The following MCUB variants were observed in gnomAD, a reference collection of about 807,000 sequenced individuals.
The protein encoded by MCUB is mitochondrial calcium uniporter dominant negative subunit beta, also known as calcium uniporter regulatory subunit MCUb, mitochondrial.
In MCUB, 46 loss-of-function variants were observed where a neutral mutation model predicts 41.4. The observed-to-expected ratio is 1.11, with a 90% CI of 0.88 to 1.42. MCUB has a LOEUF of 1.42. MCUB is among the 40% of genes most tolerant of loss of function. The pLI, the probability that MCUB is intolerant of heterozygous loss-of-function variation, is 0.00. For synonymous variants in MCUB, 148 were observed against 148.2 expected (o/e 1.00, Z 0.01); for missense variants, 403 against 404.9 (o/e 1.00, Z 0.04).
intron 1 of MCUB, among the ~76,000 whole-genome samples, chr4:109,617,446 A>G (rs1471258839): frequency 6.6e-6 from 1 of 152,210 alleles, no homozygotes; most frequent in Non-Finnish European, 1.5e-5. Flanking sequence ...ATGGCTGGGT[A>G]ACTGATGCAT....
Position 109,684,631 on chromosome 4 carries a change from T to TATA in MCUB, c.802_804dup (p.Ile268dup). On this transcript the variant is annotated inframe_insertion, in exon 6 of 8. Coordinates refer to ENST00000394650, the MANE Select transcript of MCUB (RefSeq NM_017918.5). The stretch of plus-strand genomic sequence containing the variant: ...ATTCTATGGTCTTTTTTGCATACTT[T>TATA]ATAGTCACTCGACAGGTGAGTAGTT... 6.7e-7 allele frequency: 1 copy of TATA among 1,497,210 alleles called. No individual in the cohort carries two copies. Among genetic ancestry groups the TATA allele is most frequent in the East Asian group, 2.3e-5 (1 of 44,262 alleles). The allele number at this position is 1,497,210 out of a possible 1,614,324, so 92.7% of individuals were successfully genotyped here.
chr4:109,572,442 T>C (rs1253789631), intron 1 of MCUB, among the ~76,000 whole-genome samples: 1 of 152,248 alleles, frequency 6.6e-6, no homozygotes, highest in Non-Finnish European at 1.5e-5. Flanking sequence ...GTATTATGCA[T>C]ATCTGGTACA....
At chr4:109,595,843 G>T (rs1224779686) in intron 1 of MCUB, among the ~76,000 whole-genome samples, 2 of 152,150 alleles carry the variant, frequency 1.3e-5, no homozygotes, top group Non-Finnish European at 2.9e-5. Context: ...AGGGGTGGGG[G>T]TAATATCAGA....
intron 1 of MCUB, among the ~76,000 whole-genome samples, chr4:109,565,598 C>G (rs1427393549): frequency 6.6e-6 from 1 of 151,952 alleles, no homozygotes; most frequent in African/African-American, 2.4e-5. Context: ...AAAGTAAATG[C>G]GATAAAAAAA....
At chr4:109,625,309 C>T (rs1483303237) in intron 1 of MCUB, among the ~76,000 whole-genome samples, 1 of 152,206 alleles carries the variant, frequency 6.6e-6, no homozygotes, top group Non-Finnish European at 1.5e-5. Flanking sequence ...GCATCCCCAT[C>T]ATCCAGCAAT....
At chr4:109,582,783 A>G (rs891094916) in intron 1 of MCUB, among the ~76,000 whole-genome samples, 1 of 152,214 alleles carries the variant, frequency 6.6e-6, no homozygotes, top group East Asian at 1.9e-4. Flanking sequence ...AGCTTTCTAC[A>G]TATAGCTAGC....
At chr4:109,640,996 C>T (rs1042582941) in intron 1 of MCUB, among the ~76,000 whole-genome samples, 1 of 152,142 alleles carries the variant, frequency 6.6e-6, no homozygotes, top group Admixed American at 6.5e-5. Context: ...ACTTAGGGAC[C>T]ATTGTAGTCT....
intron 1 of MCUB, among the ~76,000 whole-genome samples, chr4:109,658,516 C>T (rs747818160): frequency 3.9e-5 from 6 of 151,988 alleles, no homozygotes; most frequent in Admixed American, 1.3e-4. Flanking sequence ...AGGCTGGTCG[C>T]GAACTCCTGA....
intron 1 of MCUB, among the ~76,000 whole-genome samples, chr4:109,624,964 C>G (rs539735944): frequency 6.6e-6 from 1 of 151,860 alleles, no homozygotes. Flanking sequence ...ACATGGTGAA[C>G]CCCCGCCTCT....
chr4:109,636,962 A>G (rs146736537), intron 1 of MCUB, among the ~76,000 whole-genome samples: 55 of 152,354 alleles, frequency 3.6e-4, no homozygotes, highest in Admixed American at 1.3e-3. Context: ...TTCTGAGAGT[A>G]ATTTTAGTGA....
chr4:109,626,281 G>T (rs900973471), intron 1 of MCUB, among the ~76,000 whole-genome samples: 1 of 152,088 alleles, frequency 6.6e-6, no homozygotes, highest in African/African-American at 2.4e-5. Flanking sequence ...AAGAAAAAAA[G>T]TTCTTATCAC....
chr4:109,583,418 C>T lies in MCUB; in HGVS notation c.99+22982C>T, dbSNP rs150568044. 5.4e-3 allele frequency among the ~76,000 whole-genome samples: 820 copies of T among 152,182 alleles called. 5 individuals are homozygous for T. Among genetic ancestry groups the T allele is most frequent in the African/African-American group, 0.018 (763 of 41,516 alleles). On this transcript the variant is annotated intron_variant, in intron 1 of 7. Coordinates refer to ENST00000394650, the MANE Select transcript of MCUB (RefSeq NM_017918.5). ...ATTTTTGCACATTCATTTTTGTATC[C>T]TGAGAGTTTGCTGAAGTTGCTTATC...
chr4:109,686,699 C>T (rs771158231), intron 7 of MCUB, among the ~76,000 whole-genome samples: 5 of 152,098 alleles, frequency 3.3e-5, no homozygotes, highest in East Asian at 1.9e-4. Context: ...CATAGTGAGA[C>T]CTCATCTCTA....
rs143387797 is a variant in MCUB, at chr4:109,574,034, C to T, written c.99+13598C>T. 2.2e-3 allele frequency among the ~76,000 whole-genome samples: 330 copies of T among 151,738 alleles called. 2 individuals carry two copies. Among genetic ancestry groups the T allele is most frequent in the African/African-American group, 7.0e-3 (290 of 41,388 alleles). ...ATTACAGGCGCGCCACCACCATGCC[C>T]GGCTAATTTTTGCGTTTTTAGTACA... On this transcript the variant is annotated intron_variant, in intron 1 of 7. Transcript: ENST00000394650.
chr4:109,576,841 ATTCTTTCTT>A (rs1321843145), intron 1 of MCUB, among the ~76,000 whole-genome samples: 2 of 152,060 alleles, frequency 1.3e-5, no homozygotes, highest in African/African-American at 2.4e-5. Context: ...ATACTCAGAA[ATTCTTTCTT>A]TTCTTTCTTG....
chr4:109,643,899 C>T (rs1044442406), intron 1 of MCUB, among the ~76,000 whole-genome samples: 2 of 152,146 alleles, frequency 1.3e-5, no homozygotes, highest in Admixed American at 1.3e-4. Context: ...AGCTGTAAAA[C>T]ATGTTGGAAA....
chr4:109,614,910 C>T (rs1056268324), intron 1 of MCUB, among the ~76,000 whole-genome samples: 2 of 152,118 alleles, frequency 1.3e-5, no homozygotes, highest in Non-Finnish European at 2.9e-5. Context: ...CCAACTGATA[C>T]ACAGCACAGA....
chr4:109,656,354 C>CTTTTTTTTTT lies in MCUB; in HGVS notation c.100-2628_100-2619dup, dbSNP rs752851425. On this transcript the variant is annotated intron_variant, in intron 1 of 7. Transcript: ENST00000394650. ...GAGGGGCTCTAACTTTTACTCTCTA[C>CTTTTTTTTTT]TTTTTTTTTTTTTTTTTTTTTTTTT... Among the ~76,000 whole-genome samples, 13 of 62,116 alleles carry CTTTTTTTTTT rather than the reference C, an allele frequency of 2.1e-4. 3 individuals are homozygous for CTTTTTTTTTT. The highest frequency in any genetic ancestry group is 1.9e-4 in the Non-Finnish European group (6 of 32,130). The allele number at this position is 62,116 out of a possible 152,430, so 40.8% of individuals were successfully genotyped here.
At chr4:109,570,658 G>A (rs1448671247) in intron 1 of MCUB, among the ~76,000 whole-genome samples, 1 of 152,224 alleles carries the variant, frequency 6.6e-6, no homozygotes, top group African/African-American at 2.4e-5. Context: ...CTTCTGGTCT[G>A]TAGACTCAAT....
Sources: allele counts gnomAD v4.1 joint callset (sites outside exome capture counted in the v4.1 genomes callset), GRCh38; gene constraint gnomAD v4.1.1; transcripts MANE v1.5; gene names NCBI Gene and HGNC (gene_info 2026-07-23, HGNC 2026-07-21).